SCFD2: variants seen among roughly 807,000 people sequenced by gnomAD.
The protein encoded by SCFD2 is sec1 family domain-containing protein 2.
SCFD2 carries 54 observed loss-of-function variants against 58.9 expected under a neutral mutation model. The observed-to-expected ratio is 0.92, with a 90% CI of 0.74 to 1.15. The LOEUF (loss-of-function observed/expected upper bound fraction) is 1.15, where lower values mean the gene tolerates loss of function less well. SCFD2 is among the 50% of genes most tolerant of loss of function. The probability of loss-of-function intolerance (pLI) is 0.00; values close to 1 mark genes in which losing one functional copy is unlikely to be tolerated. For missense variants in SCFD2, 805 were observed against 836.6 expected, an observed-to-expected ratio of 0.96 and a Z score of 0.47; for synonymous variants, 321 against 335.9, an observed-to-expected ratio of 0.96 and a Z score of 0.49.
At chr4:52,942,842 T>C (rs1471209373) in intron 5 of SCFD2, among the ~76,000 whole-genome samples, 1 of 152,122 alleles carries the variant, frequency 6.6e-6, no homozygotes, top group Non-Finnish European at 1.5e-5. Context: ...TCTGAGCATT[T>C]TGATATGAGA....
chr4:52,967,386 C>T (rs888455865), intron 5 of SCFD2, among the ~76,000 whole-genome samples: 1 of 152,176 alleles, frequency 6.6e-6, no homozygotes, highest in African/African-American at 2.4e-5. Context: ...TCACTTACTA[C>T]ATGGCAGTCC....
intron 4 of SCFD2, among the ~76,000 whole-genome samples, chr4:53,188,456 TGTGTGTG>T (rs1727801360): frequency 6.7e-6 from 1 of 149,602 alleles, no homozygotes; most frequent in African/African-American, 2.5e-5. Flanking sequence ...TGTGTGTGTG[TGTGTGTG>T]TTTAGTGGCT....
At chr4:53,257,441 G>A (rs1332139649) in intron 4 of SCFD2, among the ~76,000 whole-genome samples, 1 of 152,168 alleles carries the variant, frequency 6.6e-6, no homozygotes, top group Non-Finnish European at 1.5e-5. Context: ...GCGGAGAAGA[G>A]GTAGAGTTGA....
chr4:53,071,148 T>C (rs1723802802), intron 5 of SCFD2, among the ~76,000 whole-genome samples: 2 of 152,142 alleles, frequency 1.3e-5, no homozygotes, highest in African/African-American at 4.8e-5. Flanking sequence ...GCTGTCATGC[T>C]GAACTATGAG....
At chr4:53,118,966 A>G (rs1725399421) in intron 5 of SCFD2, among the ~76,000 whole-genome samples, 1 of 152,170 alleles carries the variant, frequency 6.6e-6, no homozygotes, top group South Asian at 2.1e-4. Flanking sequence ...CTTGAAATGC[A>G]TTTTTAAGTA....
chr4:53,028,030 T>C (rs1379757330), intron 5 of SCFD2, among the ~76,000 whole-genome samples: 3 of 152,096 alleles, frequency 2.0e-5, no homozygotes, highest in Non-Finnish European at 4.4e-5. Flanking sequence ...CCTGATCACT[T>C]GAGGTCAGGA....
intron 4 of SCFD2, among the ~76,000 whole-genome samples, chr4:53,146,779 A>G (rs1415660387): frequency 6.6e-6 from 1 of 152,184 alleles, no homozygotes; most frequent in African/African-American, 2.4e-5. Context: ...TAAAACTTTT[A>G]GTATAGTATA....
At chr4:53,071,431 A>T (rs1723811657) in intron 5 of SCFD2, among the ~76,000 whole-genome samples, 1 of 152,272 alleles carries the variant, frequency 6.6e-6, no homozygotes, top group African/African-American at 2.4e-5. Context: ...CAAATTAAGA[A>T]TATCACTTTA....
At chr4:53,212,800 C>T (rs905869970) in intron 4 of SCFD2, among the ~76,000 whole-genome samples, 2 of 151,232 alleles carry the variant, frequency 1.3e-5, no homozygotes, top group African/African-American at 4.9e-5. Context: ...ACCAAATGAA[C>T]TATTCAAATT....
chr4:53,037,842 AC>A (rs1239733974), intron 5 of SCFD2, among the ~76,000 whole-genome samples: 2 of 152,114 alleles, frequency 1.3e-5, no homozygotes, highest in Non-Finnish European at 2.9e-5. Flanking sequence ...AGACCTGAGA[AC>A]TCATCCTGGC....
rs1729282416 is a variant in SCFD2, at chr4:53,228,068, GT to G, written c.1311+45757del. Among the ~76,000 whole-genome samples the G allele has an allele frequency of 2.6e-5, 4 of 152,276 alleles. No homozygotes were observed. The South Asian group carries it at 8.3e-4, about 32-fold the overall frequency. On this transcript the variant is annotated intron_variant, in intron 4 of 8. Coordinates refer to ENST00000401642, the MANE Select transcript of SCFD2 (RefSeq NM_152540.4). ...AAATACTTAACTTCTCTAAGCTTCT[GT>G]TCCTTCCTCTGTAAAACAGGAACAA...
At chr4:53,005,849 G>A (rs189831970) in intron 5 of SCFD2, among the ~76,000 whole-genome samples, 3 of 152,264 alleles carry the variant, frequency 2.0e-5, no homozygotes, top group East Asian at 1.9e-4. Flanking sequence ...AAGTAAAGCC[G>A]ACATTCACCA....
chr4:53,241,129 T>C (rs1034692274), intron 4 of SCFD2, among the ~76,000 whole-genome samples: 1 of 152,204 alleles, frequency 6.6e-6, no homozygotes, highest in African/African-American at 2.4e-5. Flanking sequence ...AGGAGCAACC[T>C]GCTCTCACCA....
intron 4 of SCFD2, among the ~76,000 whole-genome samples, chr4:53,222,726 C>G (rs1160234754): frequency 6.6e-6 from 1 of 151,742 alleles, no homozygotes; most frequent in African/African-American, 2.4e-5. Context: ...AGAGATATGT[C>G]AAAACATCAA....
chr4:53,009,069 C>T (rs1722040929), intron 5 of SCFD2, among the ~76,000 whole-genome samples: 1 of 152,208 alleles, frequency 6.6e-6, no homozygotes, highest in Non-Finnish European at 1.5e-5. Flanking sequence ...CTCCCAACTA[C>T]CTTTGACGAA....
chr4:53,354,977 C>T (rs1578000106), intron 1 of SCFD2, among the ~76,000 whole-genome samples: 1 of 152,010 alleles, frequency 6.6e-6, no homozygotes. Context: ...GATTTGAGAT[C>T]CTAAATTAAG....
At chr4:53,113,936 C>G (rs1176834764) in intron 5 of SCFD2, among the ~76,000 whole-genome samples, 1 of 152,070 alleles carries the variant, frequency 6.6e-6, no homozygotes, top group Non-Finnish European at 1.5e-5. Flanking sequence ...TTTCTTCTCA[C>G]TGTTTTAGTA....
At chr4:53,329,740 A>G (rs1412991590) in intron 2 of SCFD2, among the ~76,000 whole-genome samples, 1 of 151,952 alleles carries the variant, frequency 6.6e-6, no homozygotes, top group African/African-American at 2.4e-5. Flanking sequence ...ACAAAGCTGG[A>G]TGGAGAATGA....
chr4:53,221,805 G>A (rs924649951), intron 4 of SCFD2, among the ~76,000 whole-genome samples: 13 of 152,180 alleles, frequency 8.5e-5, no homozygotes, highest in Non-Finnish European at 1.8e-4. Context: ...TAGAAAATGA[G>A]AAATAGGGAG....
Sources: gnomAD v4.1 joint callset for allele counts (sites outside exome capture counted in the v4.1 genomes callset) on GRCh38, gnomAD v4.1.1 for gene constraint, MANE v1.5 for transcripts, NCBI Gene and HGNC (gene_info 2026-07-23, HGNC 2026-07-21) for gene names.